The following CDO1 variants were observed in gnomAD, a reference collection of about 807,000 sequenced individuals.
CDO1 encodes the protein cysteine dioxygenase, type I.
CDO1 carries 19 observed loss-of-function variants against 24.5 expected under a neutral mutation model. The ratio of observed to expected loss-of-function variants is 0.77; its 90% CI spans 0.54 to 1.14. The LOEUF (loss-of-function observed/expected upper bound fraction) is 1.14. CDO1 is among the 50% of genes most tolerant of loss of function. CDO1 has a pLI of 0.00. For synonymous variants in CDO1, 91 were observed against 87.0 expected, an observed-to-expected ratio of 1.05 and a Z score of -0.26; for missense variants, 244 against 244.8, an observed-to-expected ratio of 1.00 and a Z score of 0.02.
intron 3 of CDO1, among the ~76,000 whole-genome samples, chr5:115,807,969 G>C (rs549853856): frequency 2.3e-4 from 34 of 146,518 alleles, no homozygotes; most frequent in African/African-American, 8.0e-4. Flanking sequence ...AATGGGACCA[G>C]GTTTTTTTAA....
Position 115,816,311 on chromosome 5 carries a change from A to G in CDO1, c.87T>C (p.Asn29=), listed in dbSNP as rs759747471. 6.2e-7 allele frequency: 1 copy of G among 1,613,946 alleles called. No individual in the cohort carries two copies. The highest frequency in any genetic ancestry group is 2.2e-5 in the East Asian group (1 of 44,846). Residue 29 remains asparagine, a synonymous_variant, in exon 1 of 5, where the codon AAT becomes AAC. Transcript: ENST00000250535. ...LHQLFAGDEV[N]VEEVQAIMEA... ...CCATGATGGCCTGCACCTCCTCTAC[A>G]TTGACCTCATCGCCGGCAAAGAGCT...
chr5:115,805,545 T>C (rs907898199), intron 4 of CDO1, 83 bp from the exon 5 acceptor site: 4 of 1,320,484 alleles, frequency 3.0e-6, no homozygotes, highest in South Asian at 1.2e-5. Flanking sequence ...TCTGCTTTTG[T>C]AGCAGTGTAT....
At chr5:115,815,539 C>A (rs1324235393) in intron 1 of CDO1, among the ~76,000 whole-genome samples, 1 of 152,066 alleles carries the variant, frequency 6.6e-6, no homozygotes, top group African/African-American at 2.4e-5. Context: ...AACCCACAGT[C>A]GGGGAAGTTA....
intron 2 of CDO1, among the ~76,000 whole-genome samples, chr5:115,812,825 A>G (rs915006986): frequency 6.6e-6 from 1 of 152,200 alleles, no homozygotes; most frequent in South Asian, 2.1e-4. Flanking sequence ...AGGTGAGTGG[A>G]TCACCTGAGG....
At chr5:115,809,231 C>T (rs1263417513) in intron 3 of CDO1, among the ~76,000 whole-genome samples, 1 of 152,082 alleles carries the variant, frequency 6.6e-6, no homozygotes, top group African/African-American at 2.4e-5. Context: ...ATAATCCAGG[C>T]ATTATTATTA....
At chr5:115,811,475 T>A (rs1760187514) in intron 2 of CDO1, among the ~76,000 whole-genome samples, 160 bp from the exon 3 acceptor site, 1 of 152,186 alleles carries the variant, frequency 6.6e-6, no homozygotes, top group Non-Finnish European at 1.5e-5. Flanking sequence ...CAACTTACAG[T>A]TCAACAATGT....
chr5:115,813,233 C>G lies in CDO1; in HGVS notation c.196G>C (p.Gly66Arg). 1 of 1,601,164 alleles carries G rather than the reference C, an allele frequency of 6.2e-7. No homozygotes were observed. Among genetic ancestry groups the G allele is most frequent in the Non-Finnish European group, 8.6e-7 (1 of 1,168,644 alleles). ...YRYTRNLVDQGNGKFNLMILC... is the reference protein window; with the variant it reads ...YRYTRNLVDQRNGKFNLMILC... ...ATCATCAGATTAAATTTTCCATTTC[C>G]TTGATCCACAAGATTTCGGGTATAC... The change falls in exon 2 of 5, where the codon GGA becomes CGA. Residue 66 changes from glycine (G) to arginine (R), a missense_variant. Coordinates refer to ENST00000250535, the MANE Select transcript of CDO1 (RefSeq NM_001801.3).
In CDO1 at chr5:115,808,272, C is replaced by A. The variant is rs187927436; in HGVS notation, c.404-1754G>T. Among the ~76,000 whole-genome samples, 729 of 152,240 alleles carry A rather than the reference C, an allele frequency of 4.8e-3. 2 individuals carry two copies. The highest frequency in any genetic ancestry group is 0.01 in the Middle Eastern group (3 of 294). On this transcript the variant is annotated intron_variant, in intron 3 of 4. Transcript: ENST00000250535. ...GGGATTACAGGTGTGAGTCACCACA[C>A]CCGGCCAGCCCTAGGCTTTTGATAA...
chr5:115,806,516 A>C lies in CDO1; in HGVS notation c.406T>G (p.Ser136Ala). The C allele has an allele frequency of 6.2e-7, 1 of 1,602,602 alleles. No homozygotes were observed. The highest frequency in any genetic ancestry group is 1.1e-5 in the South Asian group (1 of 87,922). Residue 136 changes from serine to alanine, a missense_variant and splice_region_variant, in exon 4 of 5, where the codon TCC becomes GCC. Coordinates refer to ENST00000250535, the MANE Select transcript of CDO1 (RefSeq NM_001801.3). ...TTCTCTACTCGATGTAAGCCAATGGAATCTAAACAATATCCGGGAAGGAAA... is the reference window on the plus strand; with the variant it reads ...TTCTCTACTCGATGTAAGCCAATGGCATCTAAACAATATCCGGGAAGGAAA... Reference protein sequence around the residue: ...RENQCAYINDSIGLHRVENIS... With the variant: ...RENQCAYINDAIGLHRVENIS...
At chr5:115,808,747 CAAA>C (rs755799894) in intron 3 of CDO1, among the ~76,000 whole-genome samples, 36 of 151,654 alleles carry the variant, frequency 2.4e-4, no homozygotes, top group African/African-American at 8.5e-4. Context: ...ACAAACAAAA[CAAA>C]AAAACGAGAT....
chr5:115,813,047 CAAAAAAAAAAAAAAAAA>C, intron 2 of CDO1, 117 bp downstream of exon 2: 1 of 151,188 alleles, frequency 6.6e-6, no homozygotes, highest in Non-Finnish European at 1.2e-5. Flanking sequence ...ACCACTGTCT[CAAAAAAAAAAAAAAAAA>C]AAAAAAAAAA....
In CDO1 at chr5:115,805,206, CCTTTAAAAATCACAAGA is replaced by C. The variant is rs530695877; in HGVS notation, c.*210_*226del. The C allele has an allele frequency of 3.2e-5, 15 of 474,192 alleles. No homozygotes were observed. The highest frequency in any genetic ancestry group is 4.5e-5 in the Non-Finnish European group (12 of 268,590). 29.4% of individuals were successfully genotyped at this position (474,192 alleles called of 1,614,324 possible). On this transcript the variant is annotated 3_prime_UTR_variant, in exon 5 of 5. Transcript: ENST00000250535. The stretch of plus-strand genomic sequence containing the variant: ...AACTATGAGAGCACTTGAAAACTTG[CCTTTAAAAATCACAAGA>C]CTTTCTTTTCCTCAGTGGGACTTTT...
intron 3 of CDO1, chr5:115,809,500 G>A (rs1561436725): frequency 6.6e-6 from 1 of 152,046 alleles, no homozygotes; most frequent in African/African-American, 2.4e-5. Flanking sequence ...ACTTTTAGCT[G>A]GTCTTGCAGG....
intron 1 of CDO1, 63 bp downstream of exon 1, chr5:115,816,165 G>A (rs1760432314): frequency 1.7e-5 from 24 of 1,377,382 alleles, no homozygotes; most frequent in Non-Finnish European, 2.3e-5. Context: ...CGTCCCCCAC[G>A]TCCATTCCTC....
chr5:115,808,066 A>G (rs566210779), intron 3 of CDO1, among the ~76,000 whole-genome samples: 1 of 152,152 alleles, frequency 6.6e-6, no homozygotes, highest in South Asian at 2.1e-4. Flanking sequence ...TGTAGCCTCC[A>G]CCTCCCGGGC....
rs985470408 is a variant in CDO1, at chr5:115,805,261, C to T, written c.*172G>A. 47 of 536,354 alleles carry T rather than the reference C, an allele frequency of 8.8e-5. No homozygotes were observed. The highest frequency in any genetic ancestry group is 8.7e-4 in the African/African-American group (44 of 50,768). 33.2% of individuals were successfully genotyped at this position (536,354 alleles called of 1,614,324 possible). The stretch of plus-strand genomic sequence containing the variant: ...CAGTGGGACTTTTCTTCTGCAGTAG[C>T]TGAGGGCACTATTTGCTTACTTAAT... On this transcript the variant is annotated 3_prime_UTR_variant, in exon 5 of 5. Coordinates refer to ENST00000250535, the MANE Select transcript of CDO1 (RefSeq NM_001801.3).
In CDO1 at chr5:115,816,255, G is replaced by A. The variant is rs186687245; in HGVS notation, c.143C>T (p.Ala48Val). 2.5e-6 allele frequency: 4 copies of A among 1,614,202 alleles called. No individual in the cohort carries two copies. The African/African-American group carries it at 5.3e-5, about 22-fold the overall frequency. The change falls in exon 1 of 5, where the codon GCA becomes GTA. Residue 48 changes from alanine to valine, a missense_variant. Ala to Val is a moderately conservative substitution (Grantham distance 64, BLOSUM62 0). Transcript: ENST00000250535. ...EAYESDPTEW[A>V]MYAKFDQYRY... ...GTACTGGTCGAACTTGGCGTACATT[G>A]CCCACTCGGTGGGGTCGCTCTCGTA... is the stretch of plus-strand genomic sequence containing the variant.
intron 3 of CDO1, among the ~76,000 whole-genome samples, chr5:115,807,073 G>A (rs1490198835): frequency 6.6e-6 from 1 of 152,174 alleles, no homozygotes; most frequent in Non-Finnish European, 1.5e-5. Flanking sequence ...TAGAAAGAGT[G>A]TAAGAGATCA....
rs761085106 is a variant in CDO1 at position 115,806,314 on chromosome 5, A to G, written c.573+35T>C. On this transcript the variant is annotated intron_variant, in intron 4 of 4. Coordinates refer to ENST00000250535, the MANE Select transcript of CDO1 (RefSeq NM_001801.3). ...ACATGCAGTGTAACAGTGCCAACCT[A>G]CAGAGCATTTAAACCTAGAAGAAAT... 4.6e-6 allele frequency: 7 copies of G among 1,523,496 alleles called. No homozygotes were observed. The South Asian group carries it at 8.4e-5, about 18-fold the overall frequency. 94.4% of individuals were successfully genotyped at this position (1,523,496 alleles called of 1,614,324 possible).
Sources: allele counts gnomAD v4.1 joint callset (sites outside exome capture counted in the v4.1 genomes callset), GRCh38; gene constraint gnomAD v4.1.1; transcripts MANE v1.5; gene names NCBI Gene and HGNC (gene_info 2026-07-23, HGNC 2026-07-21).